Variants in NXPE2 observed in about 807,000 individuals in gnomAD.
NXPE2 encodes the protein neurexophilin and PC-esterase domain family member 2, also known as NXPE family member 2.
NXPE2 carries 34 observed loss-of-function variants against 34.4 expected under a neutral mutation model. The observed-to-expected ratio is 0.99, with a 90% confidence interval of 0.75 to 1.31. The LOEUF (loss-of-function observed/expected upper bound fraction) is 1.31, where lower values mean the gene tolerates loss of function less well. NXPE2 is among the 40% of genes most tolerant of loss of function. The pLI is 0.00. For synonymous variants in NXPE2, 235 were observed against 231.3 expected, an observed-to-expected ratio of 1.02 and a Z score of -0.15; for missense variants, 649 against 672.5, an observed-to-expected ratio of 0.97 and a Z score of 0.39.
chr11:114,758,682 A>G, the NXPE2 span, among the ~76,000 whole-genome samples: 1 of 152,084 alleles, frequency 6.6e-6, no homozygotes, highest in East Asian at 1.9e-4. Context: ...CTTCACTTGC[A>G]TAGATTCCTT....
At chr11:114,766,605 C>G in the NXPE2 span, among the ~76,000 whole-genome samples, 1 of 151,808 alleles carries the variant, frequency 6.6e-6, no homozygotes, top group Non-Finnish European at 1.5e-5. Context: ...CCTTCTTTCC[C>G]CTTCATTCTT....
chr11:114,673,261 G>A, the NXPE2 span, among the ~76,000 whole-genome samples: 1 of 151,240 alleles, frequency 6.6e-6, no homozygotes, highest in Non-Finnish European at 1.5e-5. Context: ...AGGGAAATCA[G>A]AATACACTTT....
At chr11:114,484,128 T>C in the NXPE2 span, among the ~76,000 whole-genome samples, 1 of 152,188 alleles carries the variant, frequency 6.6e-6, no homozygotes, top group Non-Finnish European at 1.5e-5. Flanking sequence ...CTGATGCTGA[T>C]GACCTAATGT....
At chr11:114,499,358 A>G in the NXPE2 span, among the ~76,000 whole-genome samples, 1 of 151,990 alleles carries the variant, frequency 6.6e-6, no homozygotes, top group East Asian at 1.9e-4. Flanking sequence ...TTTTCTAATA[A>G]TTTCTCTTGA....
the NXPE2 span, among the ~76,000 whole-genome samples, chr11:114,506,669 G>A: frequency 6.6e-6 from 1 of 152,144 alleles, no homozygotes; most frequent in South Asian, 2.1e-4. Flanking sequence ...AAATCAAGAA[G>A]TTCTTTGAAA....
chr11:114,580,018 G>T, the NXPE2 span: 2 of 902,552 alleles, frequency 2.2e-6, no homozygotes, highest in Non-Finnish European at 3.5e-6. Context: ...ATTTTGGTGT[G>T]TTGTGATTGA....
the NXPE2 span, among the ~76,000 whole-genome samples, chr11:114,494,301 G>A: frequency 2.6e-5 from 4 of 151,906 alleles, no homozygotes; most frequent in Admixed American, 6.5e-5. Context: ...CCCCTATCTC[G>A]TTATCCACCT....
the NXPE2 span, among the ~76,000 whole-genome samples, chr11:114,801,178 TAAAGAAAA>T: frequency 4.1e-4 from 63 of 152,012 alleles, no homozygotes; most frequent in Admixed American, 5.9e-4. Flanking sequence ...AGAGAAAATA[TAAAGAAAA>T]AAGGAAAAGA....
At chr11:114,633,029 A>G in the NXPE2 span, among the ~76,000 whole-genome samples, 18,375 of 108,966 alleles carry the variant, frequency 0.17, 1,986 homozygotes, top group Non-Finnish European at 0.22. Flanking sequence ...ATATAATGTA[A>G]TATTTTATTA....
At chr11:114,594,840 C>G in the NXPE2 span, 1 of 828,158 alleles carries the variant, frequency 1.2e-6, no homozygotes, top group African/African-American at 1.7e-5. Context: ...ACATGGGAAA[C>G]ATTTGAAATT....
chr11:114,672,698 G>A, the NXPE2 span, among the ~76,000 whole-genome samples: 9 of 151,790 alleles, frequency 5.9e-5, no homozygotes, highest in African/African-American at 2.2e-4. Context: ...AAGCCATAAT[G>A]TCACCATGGA....
At chr11:114,539,448 T>C in the NXPE2 span, among the ~76,000 whole-genome samples, 3 of 148,154 alleles carry the variant, frequency 2.0e-5, no homozygotes, top group East Asian at 5.8e-4. Flanking sequence ...ACAAAGAAAA[T>C]ACAATTGAGG....
chr11:114,619,376 A>T, the NXPE2 span, among the ~76,000 whole-genome samples: 2 of 128,016 alleles, frequency 1.6e-5, no homozygotes, highest in Non-Finnish European at 3.4e-5. Context: ...AAGTGTTGCC[A>T]CCTGGGTAAC....
the NXPE2 span, among the ~76,000 whole-genome samples, chr11:114,628,810 A>G: frequency 6.6e-6 from 1 of 151,992 alleles, no homozygotes; most frequent in African/African-American, 2.4e-5. Context: ...GAAGAATCAA[A>G]TAGACGCAAT....
the NXPE2 span, among the ~76,000 whole-genome samples, chr11:114,612,443 A>T: frequency 6.6e-6 from 1 of 151,830 alleles, no homozygotes; most frequent in African/African-American, 2.4e-5. Context: ...GTGGGTCACC[A>T]CTGCTACCTG....
chr11:114,604,798 G>A, the NXPE2 span, among the ~76,000 whole-genome samples: 45 of 151,944 alleles, frequency 3.0e-4, 1 homozygote, highest in East Asian at 4.5e-3. Flanking sequence ...GTGTTGCCTC[G>A]CGGGTAACCA....
chr11:114,759,742 G>A, the NXPE2 span, among the ~76,000 whole-genome samples: 1 of 152,008 alleles, frequency 6.6e-6, no homozygotes, highest in Admixed American at 6.5e-5. Flanking sequence ...ATGTAATTTT[G>A]TCAGTGGTAG....
At chr11:114,496,263 G>C in the NXPE2 span, among the ~76,000 whole-genome samples, 5 of 152,260 alleles carry the variant, frequency 3.3e-5, no homozygotes, top group African/African-American at 1.2e-4. Flanking sequence ...TGCCAGCTGA[G>C]TTCTGTCCCA....
At chr11:114,554,102 C>G in the NXPE2 span, 3 of 985,454 alleles carry the variant, frequency 3.0e-6, no homozygotes, top group African/African-American at 3.5e-5. Flanking sequence ...ACTCACTTGT[C>G]TCCTCTCCTT....
Sources: gnomAD v4.1 joint callset for allele counts (sites outside exome capture counted in the v4.1 genomes callset) on GRCh38, gnomAD v4.1.1 for gene constraint, MANE v1.5 for transcripts, NCBI Gene and HGNC (gene_info 2026-07-23, HGNC 2026-07-21) for gene names.